The following WWOX variants were observed in gnomAD, a reference collection of about 807,000 sequenced individuals.
The protein encoded by WWOX is WW domain-containing oxidoreductase.
In WWOX, 69 loss-of-function variants were observed where a neutral mutation model predicts 46.2. The ratio of observed to expected loss-of-function variants is 1.49; its 90% confidence interval spans 1.23 to 1.82. The LOEUF (loss-of-function observed/expected upper bound fraction) is 1.82. WWOX is among the 40% of genes most tolerant of loss of function. WWOX has a pLI of 0.00. For synonymous variants in WWOX, 359 were observed against 202.6 expected, an observed-to-expected ratio of 1.77 and a Z score of -6.56; for missense variants, 919 against 542.6, an observed-to-expected ratio of 1.69 and a Z score of -6.89.
chr16:78,440,494 G>A (rs1215735393), intron 8 of WWOX, among the ~76,000 whole-genome samples: 1 of 152,146 alleles, frequency 6.6e-6, no homozygotes, highest in Non-Finnish European at 1.5e-5. Context: ...CCAGTGCCTA[G>A]AATACTGCCT....
intron 5 of WWOX, among the ~76,000 whole-genome samples, chr16:78,344,546 A>G (rs1298673762): frequency 1.7e-5 from 2 of 120,858 alleles, no homozygotes; most frequent in East Asian, 1.9e-4. Context: ...ATGAATGGGA[A>G]TCTTTGCCTG....
chr16:78,494,478 AAACAC>A (rs2084861161), intron 8 of WWOX, among the ~76,000 whole-genome samples: 1 of 62,652 alleles, frequency 1.6e-5, no homozygotes, highest in East Asian at 6.5e-4. Context: ...AGATTGATAC[AAACAC>A]AAGCATTAAG....
At chr16:79,155,163 G>A (rs548511838) in intron 8 of WWOX, among the ~76,000 whole-genome samples, 17 of 152,226 alleles carry the variant, frequency 1.1e-4, no homozygotes, top group Admixed American at 2.0e-4. Context: ...AGATCATGAA[G>A]TCAAGAGATG....
intron 8 of WWOX, among the ~76,000 whole-genome samples, chr16:78,713,696 C>T (rs368227849): frequency 1.3e-5 from 2 of 152,130 alleles, no homozygotes; most frequent in Non-Finnish European, 2.9e-5. Flanking sequence ...GGCAAGGGGC[C>T]TCCGGAGAAG....
At chr16:78,777,264 C>T (rs1400763834) in intron 8 of WWOX, among the ~76,000 whole-genome samples, 1 of 152,048 alleles carries the variant, frequency 6.6e-6, no homozygotes, top group East Asian at 1.9e-4. Context: ...CTGTGCCTCT[C>T]AGGTGTCAAT....
chr16:78,513,641 A>G (rs2085417281), intron 8 of WWOX, among the ~76,000 whole-genome samples: 1 of 152,202 alleles, frequency 6.6e-6, no homozygotes, highest in African/African-American at 2.4e-5. Flanking sequence ...TCCCACTGAT[A>G]CTTACAAATA....
intron 8 of WWOX, among the ~76,000 whole-genome samples, chr16:78,910,979 A>G (rs755506184): frequency 4.6e-5 from 7 of 152,070 alleles, no homozygotes; most frequent in Non-Finnish European, 8.8e-5. Context: ...TGTTGTGCAC[A>G]ATATATATGT....
At chr16:78,374,202 T>C (rs2081762370) in intron 5 of WWOX, among the ~76,000 whole-genome samples, 1 of 152,244 alleles carries the variant, frequency 6.6e-6, no homozygotes, top group South Asian at 2.1e-4. Flanking sequence ...TTTCTTCCTT[T>C]CTGTCTTTCT....
chr16:78,440,284 C>A (rs930506590), intron 8 of WWOX, among the ~76,000 whole-genome samples: 4 of 152,096 alleles, frequency 2.6e-5, no homozygotes, highest in African/African-American at 7.2e-5. Flanking sequence ...TCCACTTGAC[C>A]CACCATACCT....
intron 8 of WWOX, among the ~76,000 whole-genome samples, chr16:79,189,464 TG>T (rs1567607029): frequency 7.1e-6 from 1 of 140,778 alleles, no homozygotes; most frequent in Non-Finnish European, 1.6e-5. Flanking sequence ...TGTGTGTGTG[TG>T]TGTGTGTGTG....
At chr16:79,025,157 G>C (rs572337040) in intron 8 of WWOX, among the ~76,000 whole-genome samples, 2 of 151,884 alleles carry the variant, frequency 1.3e-5, no homozygotes, top group East Asian at 3.9e-4. Context: ...TGTTGAGCAA[G>C]GGAATGCGGT....
At chr16:78,849,594 A>T (rs1434439146) in intron 8 of WWOX, among the ~76,000 whole-genome samples, 1 of 146,020 alleles carries the variant, frequency 6.8e-6, no homozygotes, top group African/African-American at 2.5e-5. Flanking sequence ...AAAAAAAAAG[A>T]AAACAACTAC....
At chr16:78,550,332 C>G (rs530550505) in intron 8 of WWOX, among the ~76,000 whole-genome samples, 2 of 152,190 alleles carry the variant, frequency 1.3e-5, no homozygotes, top group East Asian at 3.9e-4. Flanking sequence ...TTGTGGCCTA[C>G]AAGGTACCTA....
intron 8 of WWOX, among the ~76,000 whole-genome samples, chr16:78,777,154 C>T (rs1241167368): frequency 3.9e-5 from 6 of 152,058 alleles, no homozygotes; most frequent in East Asian, 1.9e-4. Flanking sequence ...TAGGGTCCAA[C>T]ATGCCATTGT....
chr16:78,161,810 A>G (rs1230036024), intron 4 of WWOX, among the ~76,000 whole-genome samples: 1 of 152,142 alleles, frequency 6.6e-6, no homozygotes, highest in African/African-American at 2.4e-5. Flanking sequence ...AGAGATTTAC[A>G]TCTTGCATCT....
chr16:78,370,262 G>A, intron 5 of WWOX, among the ~76,000 whole-genome samples: 1 of 151,904 alleles, frequency 6.6e-6, no homozygotes, highest in Non-Finnish European at 1.5e-5. Context: ...GCTTCAGTTT[G>A]CTCCTTAGCA....
In WWOX at chr16:78,818,466, C is replaced by G. The variant is rs549581815; in HGVS notation, c.1056+385714C>G. Among the ~76,000 whole-genome samples, 3 of 152,212 alleles carry G rather than the reference C, an allele frequency of 2.0e-5. No individual in the cohort carries two copies. The East Asian group carries it at 5.8e-4, about 29-fold the overall frequency. ...AGTTTTGAGGCTGGGTGCAGAGGCT[C>G]ATGCCTGTAATCCCAGCACTTCGGG... On this transcript the variant is annotated intron_variant, in intron 8 of 8. Coordinates refer to ENST00000566780, the MANE Select transcript of WWOX (RefSeq NM_016373.4).
intron 8 of WWOX, among the ~76,000 whole-genome samples, chr16:78,998,878 G>C (rs1400922513): frequency 6.6e-6 from 1 of 152,186 alleles, no homozygotes; most frequent in Non-Finnish European, 1.5e-5. Flanking sequence ...CTTATGCCTG[G>C]CAGGGGCGGT....
intron 8 of WWOX, chr16:78,994,225 T>TG (rs543110049): frequency 3.0e-4 from 35 of 115,130 alleles, no homozygotes; most frequent in East Asian, 7.2e-4. Flanking sequence ...TCTGTGTGTG[T>TG]TTTTTTTCCC....
Sources: allele counts gnomAD v4.1 joint callset (sites outside exome capture counted in the v4.1 genomes callset), GRCh38; gene constraint gnomAD v4.1.1; transcripts MANE v1.5; gene names NCBI Gene and HGNC (gene_info 2026-07-23, HGNC 2026-07-21).